Variants in TPST2 observed in about 807,000 individuals in gnomAD.
TPST2 encodes tyrosylprotein sulfotransferase 2.
Under a neutral mutation model 27.8 loss-of-function variants are expected in TPST2, and 16 were observed. That is an observed-to-expected ratio of 0.58 (90% confidence interval 0.39 to 0.88). The LOEUF (loss-of-function observed/expected upper bound fraction) is 0.88, where lower values mean the gene tolerates loss of function less well. TPST2 is among the 40% of genes least tolerant of loss of function. The probability of loss-of-function intolerance (pLI) is 0.00; values close to 1 mark genes in which losing one functional copy is unlikely to be tolerated. For synonymous variants in TPST2, 229 were observed against 231.7 expected (o/e 0.99, Z 0.10); for missense variants, 464 against 543.1 (o/e 0.85, Z 1.45).
chr22:26,556,305 G>A (rs994085679), intron 1 of TPST2, among the ~76,000 whole-genome samples: 2 of 152,102 alleles, frequency 1.3e-5, no homozygotes, highest in Non-Finnish European at 2.9e-5. Flanking sequence ...TTGGGAGGCC[G>A]AGGTGGGCGG....
intron 1 of TPST2, among the ~76,000 whole-genome samples, chr22:26,579,192 C>A (rs1184312135): frequency 6.6e-6 from 1 of 152,108 alleles, no homozygotes; most frequent in East Asian, 1.9e-4. Flanking sequence ...TGTTTTTCTT[C>A]CCAAAACTCT....
In TPST2 at chr22:26,589,480, C is replaced by T. The variant is rs565677816; in HGVS notation, c.-161+573G>A. 2.0e-5 allele frequency among the ~76,000 whole-genome samples: 3 copies of T among 152,096 alleles called. No homozygotes were observed. In the South Asian group the frequency reaches 6.3e-4, roughly 32 times the overall value. On this transcript the variant is annotated intron_variant, in intron 1 of 6. Transcript: ENST00000338754. ...AGGTTGGGGGTTGGGGTGGGATCCTCGGGTCAAATTCCTCTCCACTCCTCA... is the reference window on the plus strand; with the variant it reads ...AGGTTGGGGGTTGGGGTGGGATCCTTGGGTCAAATTCCTCTCCACTCCTCA...
chr22:26,555,144 G>A (rs116592964), intron 1 of TPST2: 478 of 531,754 alleles, frequency 9.0e-4, no homozygotes, highest in African/African-American at 8.6e-3. Flanking sequence ...TTAACGTGGA[G>A]CTGAGGGAAT....
In TPST2 at chr22:26,573,365, C is replaced by T. The variant is rs577999532; in HGVS notation, c.-161+16688G>A. Among the ~76,000 whole-genome samples, 171 of 152,324 alleles carry T rather than the reference C, an allele frequency of 1.1e-3. 1 individual carries two copies. The highest frequency in any genetic ancestry group is 2.2e-3 in the Non-Finnish European group (148 of 68,032). ...CGTCTTATCTGAAGGCTCGGGGTGACAGCTGGGGCCAGTCACTGACTCCGA... is the reference window on the plus strand; with the variant it reads ...CGTCTTATCTGAAGGCTCGGGGTGATAGCTGGGGCCAGTCACTGACTCCGA... On this transcript the variant is annotated intron_variant, in intron 1 of 6. Transcript: ENST00000338754.
chr22:26,578,532 G>A (rs1927953265), intron 1 of TPST2, among the ~76,000 whole-genome samples: 1 of 152,178 alleles, frequency 6.6e-6, no homozygotes, highest in Non-Finnish European at 1.5e-5. Flanking sequence ...GTGCCATGGG[G>A]ACTATGCCTG....
chr22:26,565,247 CAGGGTGGAGGCG>C (rs1290155857), intron 1 of TPST2: 1 of 152,504 alleles, frequency 6.6e-6, no homozygotes, highest in African/African-American at 2.4e-5. Context: ...AGGCAGCAGC[CAGGGTGGAGGCG>C]AGGGTCAGGC....
rs1395044820 is a variant in TPST2, at chr22:26,522,905, C to T, written c.*3370G>A. The T allele has an allele frequency of 2.0e-5, 3 of 152,144 alleles. No individual in the cohort carries two copies. Among genetic ancestry groups the T allele is most frequent in the Non-Finnish European group, 4.4e-5 (3 of 68,150 alleles). 9.4% of individuals were successfully genotyped at this position (152,144 alleles called of 1,614,324 possible). On this transcript the variant is annotated 3_prime_UTR_variant, in exon 7 of 7. Transcript: ENST00000338754. The stretch of plus-strand genomic sequence containing the variant: ...CAGCCTGGGCAACATAGTGATTCCC[C>T]TCTTTACAAAAAATAAAAAGTTAGG...
At chr22:26,579,093 T>C (rs1927985051) in intron 1 of TPST2, among the ~76,000 whole-genome samples, 1 of 152,184 alleles carries the variant, frequency 6.6e-6, no homozygotes. Flanking sequence ...CTCACGCAAG[T>C]GATCCGCCCG....
At chr22:26,573,970 G>T (rs758845637) in intron 1 of TPST2, among the ~76,000 whole-genome samples, 10 of 152,170 alleles carry the variant, frequency 6.6e-5, no homozygotes, top group Non-Finnish European at 1.2e-4. Flanking sequence ...CTCAGAGTAT[G>T]AACACTTAAA....
At position 26,541,880 on chromosome 22, in the gene TPST2, T is replaced by C. The variant is rs1925866330; in HGVS notation, c.-88-162A>G. Reference sequence around the variant, plus strand: ...GTGCCTGGCACCCTGCTGGGCACTTTTTTCAATTTTTTTTGTTTTTTTAAA... The same window carrying C: ...GTGCCTGGCACCCTGCTGGGCACTTCTTTCAATTTTTTTTGTTTTTTTAAA... On this transcript the variant is annotated intron_variant, in intron 2 of 6. Transcript: ENST00000338754. This position sits in a 1 kb window ranked among gnomAD's most constrained non-coding sequence, Gnocchi z 5.9. 1.3e-5 allele frequency among the ~76,000 whole-genome samples: 2 copies of C among 152,176 alleles called. No homozygotes were observed. The highest frequency in any genetic ancestry group is 2.4e-5 in the African/African-American group (1 of 41,434).
At chr22:26,550,766 G>C (rs1317840943) in intron 1 of TPST2, 2 of 599,164 alleles carry the variant, frequency 3.3e-6, no homozygotes, top group African/African-American at 4.0e-5. Context: ...CTTCTGCAGA[G>C]CTGGGGAGAC....
At chr22:26,528,999 A>AC (rs1215252813) in intron 5 of TPST2, among the ~76,000 whole-genome samples, 2 of 112,446 alleles carry the variant, frequency 1.8e-5, no homozygotes, top group African/African-American at 6.1e-5. Context: ...CAAAAACAAA[A>AC]ACAAAAAAAA....
In TPST2 at chr22:26,541,444, G is replaced by A; in HGVS notation, c.187C>T (p.Arg63Cys). 9 of 1,602,226 alleles carry A rather than the reference G, an allele frequency of 5.6e-6. No individual in the cohort carries two copies. Among genetic ancestry groups the A allele is most frequent in the Non-Finnish European group, 7.7e-6 (9 of 1,174,300 alleles). Reference protein sequence around the residue: ...VMVGTNHVEYRYGKAMPLIFV... With the variant: ...VMVGTNHVEYCYGKAMPLIFV... The stretch of plus-strand genomic sequence containing the variant: ...ATGAGCGGCATGGCCTTGCCATAGC[G>A]GTATTCCACGTGGTTGGTGCCCACC... Residue 63 changes from arginine to cysteine, a missense_variant, in exon 3 of 7, where the codon CGC (arginine) becomes TGC (cysteine). Coordinates refer to ENST00000338754, the MANE Select transcript of TPST2 (RefSeq NM_003595.5). The surrounding 1 kb of genome is among the most constrained non-coding windows in gnomAD (Gnocchi z 5.9).
At chr22:26,578,095 C>T (rs1056154857) in intron 1 of TPST2, among the ~76,000 whole-genome samples, 7 of 152,182 alleles carry the variant, frequency 4.6e-5, no homozygotes, top group African/African-American at 1.4e-4. Context: ...CAATTAAAAT[C>T]AATTATATAG....
chr22:26,530,303 G>A (rs1028741417), intron 5 of TPST2, among the ~76,000 whole-genome samples: 2 of 152,050 alleles, frequency 1.3e-5, no homozygotes, highest in African/African-American at 4.8e-5. Flanking sequence ...TGTATAGTAT[G>A]AGCTGCTTTG....
intron 3 of TPST2, among the ~76,000 whole-genome samples, chr22:26,540,378 C>G (rs551416729): frequency 6.6e-6 from 1 of 152,178 alleles, no homozygotes; most frequent in East Asian, 1.9e-4. Context: ...GGTGGAAGAA[C>G]TGCTTGAGGC....
At chr22:26,549,867 TAAAAA>T (rs34355172) in intron 1 of TPST2, among the ~76,000 whole-genome samples, 1 of 97,134 alleles carries the variant, frequency 1.0e-5, no homozygotes, top group Non-Finnish European at 2.0e-5. Context: ...CCCTCTCTAC[TAAAAA>T]AAAAAAAAAA....
intron 1 of TPST2, among the ~76,000 whole-genome samples, chr22:26,589,706 G>A (rs1176410083): frequency 6.6e-5 from 10 of 152,144 alleles, no homozygotes; most frequent in Admixed American, 6.5e-4. Flanking sequence ...TCCGGAGGCG[G>A]GGACGCGCCG....
chr22:26,581,128 C>T (rs1928095327), intron 1 of TPST2, among the ~76,000 whole-genome samples: 1 of 152,036 alleles, frequency 6.6e-6, no homozygotes, highest in African/African-American at 2.4e-5. Flanking sequence ...CTCACACCTC[C>T]AAACTTTTGC....
Sources: gnomAD v4.1 joint callset for allele counts (sites outside exome capture counted in the v4.1 genomes callset) on GRCh38, gnomAD v4.1.1 for gene constraint, Gnocchi (gnomAD v3.1) non-coding constraint, MANE v1.5 for transcripts, NCBI Gene and HGNC (gene_info 2026-07-23, HGNC 2026-07-21) for gene names.